Variants in ZNF385B observed in about 807,000 individuals in gnomAD.
ZNF385B encodes the protein zinc finger protein 385B.
A neutral mutation model predicts 39.2 loss-of-function variants in ZNF385B; 23 were observed. The ratio of observed to expected loss-of-function variants is 0.59; its 90% CI spans 0.42 to 0.83. ZNF385B has a LOEUF of 0.83. Ranked by LOEUF, ZNF385B falls within the 40% of genes least tolerant of loss-of-function variation. The pLI, the probability that ZNF385B is intolerant of heterozygous loss-of-function variation, is 0.00. For missense variants in ZNF385B, 552 were observed against 598.9 expected (o/e 0.92, Z 0.82); for synonymous variants, 205 against 222.6 (o/e 0.92, Z 0.70).
intron 4 of ZNF385B, among the ~76,000 whole-genome samples, chr2:179,541,026 T>C (rs1240336579): frequency 1.3e-5 from 2 of 152,192 alleles, no homozygotes; most frequent in African/African-American, 4.8e-5. Context: ...CCACACAGGC[T>C]TTTACCTATA....
intron 3 of ZNF385B, among the ~76,000 whole-genome samples, chr2:179,613,257 A>G (rs1184222647): frequency 1.3e-5 from 2 of 152,136 alleles, no homozygotes; most frequent in African/African-American, 4.8e-5. Flanking sequence ...CTAAGCTCCA[A>G]GACAAAGTCT....
intron 3 of ZNF385B, among the ~76,000 whole-genome samples, chr2:179,672,376 T>A (rs1696137340): frequency 6.6e-6 from 1 of 152,146 alleles, no homozygotes; most frequent in South Asian, 2.1e-4. Context: ...CATATCTGAT[T>A]TTGATAATAT....
intron 3 of ZNF385B, among the ~76,000 whole-genome samples, chr2:179,607,787 GT>G (rs1206117887): frequency 6.6e-6 from 1 of 152,054 alleles, no homozygotes; most frequent in East Asian, 1.9e-4. Context: ...GGCAGAGAGG[GT>G]TTTCTGTGTT....
At chr2:179,489,420 T>C (rs2054963010) in intron 5 of ZNF385B, among the ~76,000 whole-genome samples, 1 of 152,216 alleles carries the variant, frequency 6.6e-6, no homozygotes, top group Non-Finnish European at 1.5e-5. Context: ...GGATGTAAGA[T>C]GCTGCTCTTA....
intron 6 of ZNF385B, among the ~76,000 whole-genome samples, chr2:179,475,984 T>C (rs1294698671): frequency 8.4e-6 from 1 of 118,882 alleles, no homozygotes; most frequent in Non-Finnish European, 1.6e-5. Context: ...GCCACTGCAC[T>C]CCAGCCTGGG....
chr2:179,550,555 C>G (rs1452941053), intron 3 of ZNF385B, among the ~76,000 whole-genome samples: 1 of 149,710 alleles, frequency 6.7e-6, no homozygotes, highest in Non-Finnish European at 1.5e-5. Flanking sequence ...AGACAATTTG[C>G]CATGTTAAAC....
intron 3 of ZNF385B, among the ~76,000 whole-genome samples, chr2:179,693,489 G>T (rs1473310615): frequency 6.6e-6 from 1 of 152,104 alleles, no homozygotes; most frequent in Admixed American, 6.5e-5. Context: ...TAAAAATGGA[G>T]AGAATAATGC....
chr2:179,777,245 T>C lies in ZNF385B; in HGVS notation c.-154-6573A>G, dbSNP rs967807146. Among the ~76,000 whole-genome samples, 3 of 152,152 alleles carry C rather than the reference T, an allele frequency of 2.0e-5. 1 individual carries two copies. Among genetic ancestry groups the C allele is most frequent in the African/African-American group, 7.2e-5 (3 of 41,442 alleles). On this transcript the variant is annotated intron_variant, in intron 1 of 9. Transcript: ENST00000410066. ...CAAGAATATCAATTGTATATGTGTA[T>C]TTCAGATAAAACTAGAATTGAAAGT...
intron 6 of ZNF385B, among the ~76,000 whole-genome samples, chr2:179,456,593 T>C (rs943571978): frequency 2.6e-5 from 4 of 152,202 alleles, no homozygotes; most frequent in African/African-American, 7.2e-5. Context: ...AATAATAAAC[T>C]TCCTTTATAC....
At chr2:179,813,095 T>C (rs903946581) in intron 1 of ZNF385B, among the ~76,000 whole-genome samples, 2 of 152,220 alleles carry the variant, frequency 1.3e-5, no homozygotes, top group Admixed American at 1.3e-4. Context: ...TCTACCTTTA[T>C]TGACGTACTG....
intron 3 of ZNF385B, among the ~76,000 whole-genome samples, chr2:179,711,207 C>G (rs1303234482): frequency 6.6e-6 from 1 of 152,178 alleles, no homozygotes; most frequent in Non-Finnish European, 1.5e-5. Context: ...GCAATGTAAC[C>G]CAAGCCATGC....
At chr2:179,694,995 AAAGAAG>A (rs200117014) in intron 3 of ZNF385B, among the ~76,000 whole-genome samples, 1 of 149,796 alleles carries the variant, frequency 6.7e-6, no homozygotes, top group Non-Finnish European at 1.5e-5. Flanking sequence ...AGGAGAAGAA[AAAGAAG>A]AAGGAGGACG....
At chr2:179,702,213 C>G (rs1050368049) in intron 3 of ZNF385B, among the ~76,000 whole-genome samples, 1 of 152,122 alleles carries the variant, frequency 6.6e-6, no homozygotes, top group African/African-American at 2.4e-5. Context: ...TGATTTTCAT[C>G]TTGTATTTCT....
At chr2:179,648,143 G>T (rs149616276) in intron 3 of ZNF385B, among the ~76,000 whole-genome samples, 112 of 152,166 alleles carry the variant, frequency 7.4e-4, no homozygotes, top group African/African-American at 2.6e-3. Context: ...CTTGCCATGG[G>T]GTATTGGTGC....
At chr2:179,859,074 C>A (rs1486907463) in intron 1 of ZNF385B, among the ~76,000 whole-genome samples, 1 of 152,022 alleles carries the variant, frequency 6.6e-6, no homozygotes, top group Non-Finnish European at 1.5e-5. Context: ...TGAATCAGGT[C>A]ACTTGCCTGA....
intron 3 of ZNF385B, among the ~76,000 whole-genome samples, chr2:179,588,891 A>G (rs1406250680): frequency 6.6e-6 from 1 of 152,168 alleles, no homozygotes; most frequent in Non-Finnish European, 1.5e-5. Flanking sequence ...GTCACAAAAA[A>G]CAAGAACTCT....
chr2:179,471,246 G>C (rs1348395676), intron 6 of ZNF385B, among the ~76,000 whole-genome samples: 1 of 152,094 alleles, frequency 6.6e-6, no homozygotes, highest in Non-Finnish European at 1.5e-5. Flanking sequence ...ATGACTAAGA[G>C]TTTCTTGCCT....
chr2:179,820,184 A>G (rs1267154904), intron 1 of ZNF385B, among the ~76,000 whole-genome samples: 1 of 152,084 alleles, frequency 6.6e-6, no homozygotes, highest in Non-Finnish European at 1.5e-5. Context: ...ATTTTCTATA[A>G]TACCTACTTA....
At chr2:179,856,403 A>C (rs549258585) in intron 1 of ZNF385B, among the ~76,000 whole-genome samples, 1 of 152,158 alleles carries the variant, frequency 6.6e-6, no homozygotes, top group East Asian at 1.9e-4. Context: ...AAGTAGACCC[A>C]GGAAGTAACC....
Sources: allele counts gnomAD v4.1 joint callset (sites outside exome capture counted in the v4.1 genomes callset), GRCh38; gene constraint gnomAD v4.1.1; transcripts MANE v1.5; gene names NCBI Gene and HGNC (gene_info 2026-07-23, HGNC 2026-07-21).